CNTN4: variants seen among roughly 807,000 people sequenced by gnomAD.
CNTN4 encodes the protein contactin-4.
A neutral mutation model predicts 122.5 loss-of-function variants in CNTN4; 77 were observed. The observed-to-expected ratio is 0.63, with a 90% CI of 0.52 to 0.76. CNTN4 has a LOEUF of 0.76. Ranked by LOEUF, CNTN4 falls within the 30% of genes least tolerant of loss-of-function variation. The pLI, the probability that CNTN4 is intolerant of heterozygous loss-of-function variation, is 0.00. For synonymous variants in CNTN4, 512 were observed against 447.0 expected, an observed-to-expected ratio of 1.15 and a Z score of -1.83; for missense variants, 1,256 against 1,259.1, an observed-to-expected ratio of 1.00 and a Z score of 0.04.
At chr3:2,770,012 T>A (rs947870680) in intron 6 of CNTN4, among the ~76,000 whole-genome samples, 1 of 107,168 alleles carries the variant, frequency 9.3e-6, no homozygotes, top group African/African-American at 3.3e-5. Flanking sequence ...TCTCTCTGTC[T>A]CTTTTTGTTT....
At chr3:3,032,985 G>A (rs1362706464) in intron 16 of CNTN4, among the ~76,000 whole-genome samples, 2 of 152,172 alleles carry the variant, frequency 1.3e-5, no homozygotes, top group Non-Finnish European at 2.9e-5. Context: ...CTTCTCTCCA[G>A]TGTCCAAACT....
At chr3:2,327,806 T>C (rs2043523052) in intron 2 of CNTN4, among the ~76,000 whole-genome samples, 1 of 152,158 alleles carries the variant, frequency 6.6e-6, no homozygotes, top group East Asian at 1.9e-4. Context: ...TGATTACTCA[T>C]GTAGAATCTC....
At chr3:2,247,524 A>G (rs1276512413) in intron 2 of CNTN4, among the ~76,000 whole-genome samples, 2 of 151,918 alleles carry the variant, frequency 1.3e-5, no homozygotes, top group African/African-American at 4.8e-5. Flanking sequence ...GAAAATTGCT[A>G]TTTTTCTACT....
chr3:2,507,503 T>C (rs1482935835), intron 3 of CNTN4, among the ~76,000 whole-genome samples: 1 of 151,834 alleles, frequency 6.6e-6, no homozygotes, highest in Admixed American at 6.6e-5. Flanking sequence ...GGAGGTGATC[T>C]TGTGGGCAGA....
At chr3:2,226,425 C>G (rs1432099767) in intron 2 of CNTN4, among the ~76,000 whole-genome samples, 6 of 152,170 alleles carry the variant, frequency 3.9e-5, no homozygotes, top group Non-Finnish European at 8.8e-5. Context: ...AGCATAACCA[C>G]TTTACATACA....
At chr3:2,586,873 C>A (rs2080227593) in intron 4 of CNTN4, among the ~76,000 whole-genome samples, 1 of 152,206 alleles carries the variant, frequency 6.6e-6, no homozygotes, top group Non-Finnish European at 1.5e-5. Flanking sequence ...ATTTACTCTG[C>A]AGCCCCTACA....
intron 3 of CNTN4, among the ~76,000 whole-genome samples, chr3:2,418,132 T>C (rs770582161): frequency 6.6e-6 from 1 of 152,188 alleles, no homozygotes; most frequent in East Asian, 1.9e-4. Context: ...TAATGTAAAC[T>C]CCGGACTCTG....
At chr3:2,288,936 T>A (rs2042038345) in intron 2 of CNTN4, among the ~76,000 whole-genome samples, 1 of 152,072 alleles carries the variant, frequency 6.6e-6, no homozygotes, top group Non-Finnish European at 1.5e-5. Context: ...AATGAAGGCA[T>A]TTTATATGAG....
At chr3:2,335,536 T>A (rs1490249121) in intron 2 of CNTN4, among the ~76,000 whole-genome samples, 7 of 151,840 alleles carry the variant, frequency 4.6e-5, no homozygotes, top group Non-Finnish European at 1.0e-4. Context: ...TTCAGTTTCT[T>A]TCCCCCTGTA....
intron 2 of CNTN4, among the ~76,000 whole-genome samples, chr3:2,151,980 T>C (rs1023436149): frequency 6.6e-6 from 1 of 152,262 alleles, no homozygotes; most frequent in Non-Finnish European, 1.5e-5. Flanking sequence ...CATGATTTTT[T>C]CTAAGTAAAT....
At chr3:2,847,577 C>T (rs1449099167) in intron 7 of CNTN4, among the ~76,000 whole-genome samples, 1 of 152,218 alleles carries the variant, frequency 6.6e-6, no homozygotes, top group Non-Finnish European at 1.5e-5. Flanking sequence ...GGCCCTGCTG[C>T]AGGCACACGT....
chr3:2,762,432 T>G (rs1190035729), intron 6 of CNTN4, among the ~76,000 whole-genome samples: 1 of 152,224 alleles, frequency 6.6e-6, no homozygotes, highest in Non-Finnish European at 1.5e-5. Context: ...TTCTCATCAT[T>G]TAGCTTCCAC....
intron 3 of CNTN4, among the ~76,000 whole-genome samples, chr3:2,446,103 A>C (rs1007324145): frequency 6.6e-6 from 1 of 152,180 alleles, no homozygotes; most frequent in Non-Finnish European, 1.5e-5. Flanking sequence ...TTAAGTCCAT[A>C]ATTCCCTAAT....
intron 7 of CNTN4, among the ~76,000 whole-genome samples, chr3:2,821,415 G>A (rs1559542567): frequency 6.6e-6 from 1 of 152,210 alleles, no homozygotes; most frequent in African/African-American, 2.4e-5. Context: ...CAAATGGGAA[G>A]AAGCAAAGAC....
chr3:2,779,085 C>A (rs78317489), intron 6 of CNTN4, among the ~76,000 whole-genome samples: 3,716 of 152,174 alleles, frequency 0.024, 93 homozygotes, highest in Non-Finnish European at 0.028. Context: ...ATATAGCTGA[C>A]AATGAAAGCA....
At chr3:2,949,511 C>T (rs911575363) in intron 13 of CNTN4, among the ~76,000 whole-genome samples, 2 of 152,144 alleles carry the variant, frequency 1.3e-5, no homozygotes, top group Non-Finnish European at 2.9e-5. Flanking sequence ...GTTCTCTACC[C>T]AGTGGACCGG....
chr3:2,123,486 T>A (rs2033925540), intron 2 of CNTN4, among the ~76,000 whole-genome samples: 2 of 152,332 alleles, frequency 1.3e-5, no homozygotes, highest in South Asian at 4.1e-4. Context: ...TCCTTTCCTT[T>A]GGTTGGTCCA....
intron 13 of CNTN4, 93 bp from the exon 14 acceptor site, chr3:2,988,252 A>G: frequency 8.3e-7 from 1 of 1,207,244 alleles, no homozygotes; most frequent in Non-Finnish European, 1.2e-6. Flanking sequence ...GCAATGATTT[A>G]TGGTTTGAAC....
intron 6 of CNTN4, among the ~76,000 whole-genome samples, chr3:2,797,741 A>G (rs1268495202): frequency 6.6e-6 from 1 of 152,148 alleles, no homozygotes; most frequent in South Asian, 2.1e-4. Context: ...ACCTTTCACA[A>G]CTTAATCATA....
Sources: gnomAD v4.1 joint callset for allele counts (sites outside exome capture counted in the v4.1 genomes callset) on GRCh38, gnomAD v4.1.1 for gene constraint, MANE v1.5 for transcripts, NCBI Gene and HGNC (gene_info 2026-07-23, HGNC 2026-07-21) for gene names.